Variants in GRM7 observed in about 807,000 individuals in gnomAD.
GRM7 encodes the protein glutamate metabotropic receptor 7.
In GRM7, 35 loss-of-function variants were observed where a neutral mutation model predicts 84.5. The ratio of observed to expected loss-of-function variants is 0.41; its 90% CI spans 0.32 to 0.55. GRM7 has a LOEUF of 0.55. Among genes scored for constraint, GRM7 ranks in the 20% least tolerant of loss-of-function variants. GRM7 has a pLI of 0.19. For synonymous variants in GRM7, 487 were observed against 455.1 expected (o/e 1.07, Z -0.89); for missense variants, 1,003 against 1,194.6 (o/e 0.84, Z 2.36).
At chr3:6,915,106 A>T (rs958987134) in intron 1 of GRM7, among the ~76,000 whole-genome samples, 2 of 152,214 alleles carry the variant, frequency 1.3e-5, no homozygotes, top group Non-Finnish European at 2.9e-5. Flanking sequence ...CCAGGACTGC[A>T]TGGTCCTTAT....
chr3:7,345,384 C>A (rs906549455), intron 4 of GRM7, among the ~76,000 whole-genome samples: 3 of 151,104 alleles, frequency 2.0e-5, no homozygotes, highest in African/African-American at 7.3e-5. Context: ...TTAAGTAATT[C>A]TGCTGACTTA....
chr3:7,560,446 A>G (rs2125035671), intron 7 of GRM7: 1 of 152,052 alleles, frequency 6.6e-6, no homozygotes, highest in East Asian at 1.9e-4. Context: ...AGAGTGTTTT[A>G]TCTTTACCAC....
intron 2 of GRM7, among the ~76,000 whole-genome samples, chr3:7,252,684 T>TTCTTTCCTTTTTTTCTTTTCTTTTTTTC (rs6147696): frequency 3.4e-5 from 4 of 118,236 alleles, no homozygotes; most frequent in Non-Finnish European, 6.8e-5. Flanking sequence ...TTCTTTTCTT[T>TTCTTTCCTTTTTTTCTTTTCTTTTTTTC]TTTTCTTTTC....
intron 2 of GRM7, among the ~76,000 whole-genome samples, chr3:7,221,437 A>T (rs1218302281): frequency 6.6e-6 from 1 of 152,100 alleles, no homozygotes; most frequent in East Asian, 1.9e-4. Flanking sequence ...TTCCATTTAT[A>T]GGAGCCATGC....
rs565909705 is a variant in GRM7, at chr3:7,440,344, G to A, written c.1175-12263G>A. ...TGGGCTTGGAGACACTGGAAGTAAC[G>A]CAACATTTCTTACAGCATCTAGTCA... On this transcript the variant is annotated intron_variant, in intron 5 of 9. Coordinates refer to ENST00000357716, the MANE Select transcript of GRM7 (RefSeq NM_000844.4). Among the ~76,000 whole-genome samples, 14 of 152,194 alleles carry A rather than the reference G, an allele frequency of 9.2e-5. No individual in the cohort carries two copies. In the South Asian group the frequency reaches 1.5e-3, roughly 16 times the overall value.
At chr3:7,197,933 G>C (rs986662863) in intron 2 of GRM7, among the ~76,000 whole-genome samples, 3 of 152,122 alleles carry the variant, frequency 2.0e-5, no homozygotes, top group African/African-American at 7.2e-5. Flanking sequence ...TATGGTGGAA[G>C]TTAAAGATTA....
At chr3:7,055,567 C>A (rs1697191263) in intron 1 of GRM7, among the ~76,000 whole-genome samples, 1 of 151,092 alleles carries the variant, frequency 6.6e-6, no homozygotes, top group African/African-American at 2.4e-5. Flanking sequence ...GTCACCCAGG[C>A]TGGAGTGCAG....
chr3:7,559,229 C>T (rs1181886018), intron 7 of GRM7: 1 of 151,526 alleles, frequency 6.6e-6, no homozygotes. Flanking sequence ...GCTTGGCTTC[C>T]CATCCAAGAT....
At chr3:7,539,362 A>C (rs1294505595) in intron 7 of GRM7, among the ~76,000 whole-genome samples, 1 of 152,122 alleles carries the variant, frequency 6.6e-6, no homozygotes, top group East Asian at 1.9e-4. Context: ...ATTTTGCTGA[A>C]GTTCTCCGTG....
chr3:7,231,148 C>T (rs140698818), intron 2 of GRM7, among the ~76,000 whole-genome samples: 3 of 152,224 alleles, frequency 2.0e-5, no homozygotes, highest in Non-Finnish European at 2.9e-5. Flanking sequence ...AGGTGTCACC[C>T]GTCTTGGAAG....
At chr3:7,361,794 T>C (rs549110511) in intron 4 of GRM7, among the ~76,000 whole-genome samples, 2 of 152,236 alleles carry the variant, frequency 1.3e-5, no homozygotes, top group African/African-American at 4.8e-5. Context: ...GGTATTTTCT[T>C]CTGGCTGCTG....
chr3:7,442,986 T>A (rs148255074), intron 5 of GRM7, among the ~76,000 whole-genome samples: 1 of 150,722 alleles, frequency 6.6e-6, no homozygotes, highest in East Asian at 2.0e-4. Flanking sequence ...TGTTTCCCCC[T>A]TATATCATCT....
intron 2 of GRM7, among the ~76,000 whole-genome samples, chr3:7,186,054 A>G (rs917853703): frequency 4.6e-5 from 7 of 152,194 alleles, no homozygotes; most frequent in Non-Finnish European, 7.3e-5. Flanking sequence ...CACCATGGGC[A>G]TGTCTGGCTG....
chr3:6,933,754 A>T (rs555376470), intron 1 of GRM7, among the ~76,000 whole-genome samples: 2 of 143,270 alleles, frequency 1.4e-5, no homozygotes, highest in Non-Finnish European at 3.1e-5. Context: ...AAAACAAAAC[A>T]AAACATTGCC....
intron 1 of GRM7, among the ~76,000 whole-genome samples, chr3:6,955,552 T>C (rs986736173): frequency 6.7e-6 from 1 of 148,700 alleles, no homozygotes; most frequent in African/African-American, 2.5e-5. Flanking sequence ...AAAAGAAGAA[T>C]AGAATGACAG....
intron 4 of GRM7, among the ~76,000 whole-genome samples, chr3:7,340,210 C>T (rs1016226888): frequency 6.6e-5 from 10 of 152,020 alleles, no homozygotes; most frequent in Non-Finnish European, 1.3e-4. Flanking sequence ...TCAGTGTGTC[C>T]ATGAATATAG....
intron 4 of GRM7, among the ~76,000 whole-genome samples, chr3:7,372,539 G>A (rs984534839): frequency 6.6e-6 from 1 of 152,100 alleles, no homozygotes; most frequent in African/African-American, 2.4e-5. Context: ...TTAATTGTAC[G>A]CCATTCACTT....
Position 6,862,018 on chromosome 3 carries a change from C to G in GRM7, c.519+111C>G. On this transcript the variant is annotated intron_variant, in intron 1 of 9. Transcript: ENST00000357716. The surrounding 1 kb of genome is among the most constrained non-coding windows in gnomAD (Gnocchi z 5.2). The stretch of plus-strand genomic sequence containing the variant: ...GGGTCAGGTCAGCCTTCGCTCATTT[C>G]CTCCCTGGAGATCCTGCCGAATCCC... 1.2e-6 allele frequency: 1 copy of G among 865,878 alleles called. No individual in the cohort carries two copies. Among genetic ancestry groups the G allele is most frequent in the Non-Finnish European group, 1.8e-6 (1 of 567,926 alleles). The allele number at this position is 865,878 out of a possible 1,614,324, so 53.6% of individuals were successfully genotyped here.
intron 7 of GRM7, among the ~76,000 whole-genome samples, chr3:7,509,169 A>T (rs2124974865): frequency 1.3e-5 from 2 of 152,252 alleles, no homozygotes; most frequent in South Asian, 4.1e-4. Flanking sequence ...TCATATCAAC[A>T]AATCACAGGG....
Sources: allele counts gnomAD v4.1 joint callset (sites outside exome capture counted in the v4.1 genomes callset), GRCh38; gene constraint gnomAD v4.1.1; non-coding constraint Gnocchi (gnomAD v3.1); transcripts MANE v1.5; gene names NCBI Gene and HGNC (gene_info 2026-07-23, HGNC 2026-07-21).